Variants in MTFR1 observed in about 807,000 individuals in gnomAD.
MTFR1 encodes chondrocyte protein with a poly-proline region.
In MTFR1, 28 loss-of-function variants were observed where a neutral mutation model predicts 38.8. That is an observed-to-expected ratio of 0.72 (90% CI 0.53 to 0.99). MTFR1 has a LOEUF of 0.99. Among genes scored for constraint, MTFR1 ranks in the 50% least tolerant of loss-of-function variants. The pLI is 0.00. For missense variants in MTFR1, 358 were observed against 395.5 expected (o/e 0.91, Z 0.81); for synonymous variants, 145 against 137.0 (o/e 1.06, Z -0.41).
intron 1 of MTFR1, among the ~76,000 whole-genome samples, chr8:65,656,753 A>G (rs1809281754): frequency 1.3e-5 from 2 of 151,750 alleles, no homozygotes; most frequent in Non-Finnish European, 2.9e-5. Flanking sequence ...CGCCTGCCTC[A>G]GCCTCCCAAA....
chr8:65,708,103 C>T (rs1805840193), intron 7 of MTFR1, 92 bp downstream of exon 7: 1 of 1,602,636 alleles, frequency 6.2e-7, no homozygotes, highest in African/African-American at 1.3e-5. Flanking sequence ...CCTGTGTCAT[C>T]TGTAAGTTCC....
chr8:65,657,122 T>C (rs138765013), intron 1 of MTFR1, among the ~76,000 whole-genome samples: 16,648 of 151,690 alleles, frequency 0.11, 1,136 homozygotes, highest in Middle Eastern at 0.17. Context: ...CAAGTGATTC[T>C]CCTGCCTCAG....
intron 3 of MTFR1, chr8:65,734,968 T>C: frequency 1.1e-6 from 1 of 934,214 alleles, no homozygotes; most frequent in African/African-American, 1.6e-5. Flanking sequence ...GTGATAATTA[T>C]GAGTTACCCA....
At chr8:65,692,116 T>C (rs1805298533) in intron 3 of MTFR1, among the ~76,000 whole-genome samples, 1 of 152,188 alleles carries the variant, frequency 6.6e-6, no homozygotes, top group African/African-American at 2.4e-5. Flanking sequence ...CTGAATCTCT[T>C]TGGCCTTTTC....
At chr8:65,739,373 T>G in intron 3 of MTFR1, 1 of 1,049,780 alleles carries the variant, frequency 9.5e-7, no homozygotes, top group Non-Finnish European at 1.3e-6. Context: ...AACTGTGTGT[T>G]GTTTTAAGCC....
intron 2 of MTFR1, among the ~76,000 whole-genome samples, chr8:65,678,054 A>T (rs1178293357): frequency 6.6e-6 from 1 of 151,196 alleles, no homozygotes; most frequent in East Asian, 2.0e-4. Flanking sequence ...TTTTATGACC[A>T]TTTTCTTCTC....
At chr8:65,776,134 A>C (rs1809252976), downstream of MTFR1, among the ~76,000 whole-genome samples, 1 of 152,140 alleles carries the variant, frequency 6.6e-6, no homozygotes, top group Non-Finnish European at 1.5e-5. Flanking sequence ...ATCAACCAAA[A>C]TTTGATTTTT....
intron 3 of MTFR1, chr8:65,723,686 G>A: frequency 8.7e-7 from 1 of 1,142,874 alleles, no homozygotes; most frequent in Non-Finnish European, 1.2e-6. Flanking sequence ...TATAATTAAA[G>A]GCTTGAACAT....
intron 1 of MTFR1, among the ~76,000 whole-genome samples, chr8:65,645,100 C>G (rs1808915916): frequency 6.6e-6 from 1 of 152,312 alleles, no homozygotes; most frequent in African/African-American, 2.4e-5. Context: ...CTCCCCCGAC[C>G]TTCGGTCCAT....
Position 65,707,903 on chromosome 8 carries a change from A to C in MTFR1, c.825A>C (p.Ala275=). The C allele has an allele frequency of 1.2e-6, 2 of 1,614,166 alleles. No homozygotes were observed. The highest frequency in any genetic ancestry group is 1.7e-6 in the Non-Finnish European group (2 of 1,180,004). ...CTACTGACCCTGCTGCCCTCATAGC[A>C]GAGGCTCTGAAAAAGAAATTTGCTT... ...VDATDPAALI[A]EALKKKFAYR... Residue 275 remains alanine, a synonymous_variant, in exon 7 of 8, where the codon GCA becomes GCC. Transcript: ENST00000262146.
chr8:65,772,483 A>G (rs997975703), downstream of MTFR1, among the ~76,000 whole-genome samples: 1 of 152,232 alleles, frequency 6.6e-6, no homozygotes, highest in African/African-American at 2.4e-5. Context: ...TGTGGCATAA[A>G]TCACAAATTC....
chr8:65,707,748 G>A (rs117971394), intron 6 of MTFR1, 95 bp from the exon 7 acceptor site: 26,263 of 1,462,872 alleles, frequency 0.018, 284 homozygotes, highest in Non-Finnish European at 0.021. Context: ...CTATGATGCT[G>A]GAGAGGTGCT....
chr8:65,763,175 T>A (rs960582785), intron 3 of MTFR1, among the ~76,000 whole-genome samples: 1 of 152,210 alleles, frequency 6.6e-6, no homozygotes, highest in African/African-American at 2.4e-5. Context: ...AGGGAATATT[T>A]GTTATACATA....
chr8:65,666,861 A>G (rs1010368993), intron 1 of MTFR1, among the ~76,000 whole-genome samples: 2 of 152,028 alleles, frequency 1.3e-5, no homozygotes, highest in Non-Finnish European at 1.5e-5. Flanking sequence ...GTTCTTTTAC[A>G]CTCCCTGGCA....
Position 65,748,635 on chromosome 8 carries a change from G to A in MTFR1, c.*49-22312G>A, listed in dbSNP as rs368785884. ...TATAAAACAGGAAAATCAAGACTGAGGATCAATAAATCATCTCTTAATTTA... is the reference window on the plus strand; with the variant it reads ...TATAAAACAGGAAAATCAAGACTGAAGATCAATAAATCATCTCTTAATTTA... On this transcript the variant is annotated intron_variant, in intron 3 of 3. Coordinates refer to the MTFR1 transcript ENST00000521247. 2.0e-5 allele frequency among the ~76,000 whole-genome samples: 3 copies of A among 152,128 alleles called. No homozygotes were observed. The East Asian group carries it at 5.8e-4, about 29-fold the overall frequency.
chr8:65,681,559 A>G (rs1804888547), intron 2 of MTFR1, among the ~76,000 whole-genome samples: 1 of 152,166 alleles, frequency 6.6e-6, no homozygotes, highest in Non-Finnish European at 1.5e-5. Flanking sequence ...AGCACTCAAA[A>G]CAGATGAATA....
intron 7 of MTFR1, 43 bp downstream of exon 7, chr8:65,708,054 C>T: frequency 3.7e-6 from 6 of 1,607,268 alleles, no homozygotes; most frequent in Non-Finnish European, 5.1e-6. Context: ...TGTAGAAATC[C>T]ATCCCATTGC....
chr8:65,645,220 C>A (rs986829175), intron 1 of MTFR1, among the ~76,000 whole-genome samples: 2 of 152,214 alleles, frequency 1.3e-5, no homozygotes, highest in Non-Finnish European at 2.9e-5. Context: ...AGGAGCCGGA[C>A]TGCGCGGGTG....
chr8:65,654,216 T>C (rs903299205), intron 1 of MTFR1, among the ~76,000 whole-genome samples: 3 of 152,206 alleles, frequency 2.0e-5, no homozygotes, highest in African/African-American at 7.2e-5. Context: ...GTGTTAAGTT[T>C]TGGTAAGTTT....
Sources: gnomAD v4.1 joint callset for allele counts (sites outside exome capture counted in the v4.1 genomes callset) on GRCh38, gnomAD v4.1.1 for gene constraint, MANE v1.5 for transcripts, NCBI Gene and HGNC (gene_info 2026-07-23, HGNC 2026-07-21) for gene names.